The following TENM2 variants were observed in gnomAD, a reference collection of about 807,000 sequenced individuals.
TENM2 encodes teneurin transmembrane protein 2.
A neutral mutation model predicts 245.2 loss-of-function variants in TENM2; 52 were observed. The observed-to-expected ratio is 0.21, with a 90% CI of 0.17 to 0.27. The LOEUF (loss-of-function observed/expected upper bound fraction) is 0.27, where lower values mean the gene tolerates loss of function less well. Among genes scored for constraint, TENM2 ranks in the 10% least tolerant of loss-of-function variants. TENM2 has a pLI of 1.00. For missense variants in TENM2, 3,046 were observed against 3,666.8 expected, an observed-to-expected ratio of 0.83 and a Z score of 4.37; for synonymous variants, 1,363 against 1,438.9, an observed-to-expected ratio of 0.95 and a Z score of 1.19.
chr5:167,363,556 C>A (rs1010690015), intron 1 of TENM2, among the ~76,000 whole-genome samples: 2 of 151,214 alleles, frequency 1.3e-5, no homozygotes, highest in African/African-American at 4.9e-5. Flanking sequence ...ACGGTGAAAC[C>A]CTGTCTCTAC....
At chr5:167,890,596 C>A (rs571060285) in intron 3 of TENM2, among the ~76,000 whole-genome samples, 1 of 152,256 alleles carries the variant, frequency 6.6e-6, no homozygotes, top group East Asian at 1.9e-4. Context: ...TCTATCCTTC[C>A]TGAAATAATA....
intron 2 of TENM2, among the ~76,000 whole-genome samples, chr5:167,720,719 G>T (rs1024565667): frequency 1.7e-4 from 26 of 152,146 alleles, no homozygotes; most frequent in African/African-American, 5.8e-4. Context: ...ATATATACTC[G>T]TGGTTGAATG....
At chr5:167,592,510 G>T (rs1172955197) in intron 2 of TENM2, among the ~76,000 whole-genome samples, 1 of 152,122 alleles carries the variant, frequency 6.6e-6, no homozygotes, top group African/African-American at 2.4e-5. Context: ...TGTCCCTTCA[G>T]CATATTTAAA....
At chr5:167,227,671 C>A in the TENM2 span, among the ~76,000 whole-genome samples, 1 of 152,108 alleles carries the variant, frequency 6.6e-6, no homozygotes, top group Admixed American at 6.5e-5. Context: ...AGGCTTTTCT[C>A]TTACTGTTTT....
chr5:167,574,042 A>AG (rs1399538630), intron 2 of TENM2: 1 of 152,166 alleles, frequency 6.6e-6, no homozygotes, highest in East Asian at 1.9e-4. Flanking sequence ...CGCCGATCGG[A>AG]GGGTTTGACC....
At chr5:167,384,732 T>G (rs1240224977) in intron 2 of TENM2, among the ~76,000 whole-genome samples, 1 of 151,958 alleles carries the variant, frequency 6.6e-6, no homozygotes, top group Non-Finnish European at 1.5e-5. Context: ...ACACACACGT[T>G]TGGATGGAAA....
intron 1 of TENM2, among the ~76,000 whole-genome samples, chr5:167,366,014 T>C (rs1186497927): frequency 6.6e-6 from 1 of 151,906 alleles, no homozygotes; most frequent in Non-Finnish European, 1.5e-5. Context: ...AAAGAAATAA[T>C]TTGTATACAT....
chr5:167,425,101 G>T (rs1182085873), intron 2 of TENM2, among the ~76,000 whole-genome samples: 1 of 152,148 alleles, frequency 6.6e-6, no homozygotes, highest in African/African-American at 2.4e-5. Flanking sequence ...TACCTGCTTT[G>T]CAGTTTGAAA....
At chr5:167,896,477 A>G (rs114148586) in intron 3 of TENM2, among the ~76,000 whole-genome samples, 2,985 of 152,324 alleles carry the variant, frequency 0.02, 99 homozygotes, top group African/African-American at 0.067. Context: ...TGTGGCTTCC[A>G]ACCATTCTTC....
chr5:167,335,468 G>A (rs947363300), intron 1 of TENM2, among the ~76,000 whole-genome samples: 66 of 152,196 alleles, frequency 4.3e-4, no homozygotes, highest in African/African-American at 1.6e-3. Flanking sequence ...ATGGCTTCGT[G>A]GCTTTTTAGG....
intron 3 of TENM2, among the ~76,000 whole-genome samples, chr5:167,932,082 G>T (rs1583408485): frequency 1.3e-5 from 2 of 152,226 alleles, no homozygotes; most frequent in African/African-American, 4.8e-5. Context: ...GTGAACAGTT[G>T]TAAGTCGGGA....
At chr5:167,491,026 A>G (rs1768398634) in intron 2 of TENM2, among the ~76,000 whole-genome samples, 2 of 152,194 alleles carry the variant, frequency 1.3e-5, no homozygotes, top group Non-Finnish European at 2.9e-5. Flanking sequence ...TCTAGGAATC[A>G]ATCACAGTGA....
intron 2 of TENM2, among the ~76,000 whole-genome samples, chr5:167,494,609 T>C (rs2127547457): frequency 6.6e-6 from 1 of 152,160 alleles, no homozygotes; most frequent in East Asian, 1.9e-4. Context: ...GAGTTACATA[T>C]ACAATCAAGT....
At chr5:167,238,337 G>A in the TENM2 span, among the ~76,000 whole-genome samples, 2 of 152,096 alleles carry the variant, frequency 1.3e-5, no homozygotes, top group Non-Finnish European at 2.9e-5. Flanking sequence ...ATAGATCTCA[G>A]GTCTTATGAA....
intron 2 of TENM2, among the ~76,000 whole-genome samples, chr5:167,839,854 T>G (rs1004174966): frequency 6.6e-6 from 1 of 152,224 alleles, no homozygotes; most frequent in African/African-American, 2.4e-5. Context: ...TTTTGCTTTT[T>G]TTGTACAGGC....
intron 2 of TENM2, among the ~76,000 whole-genome samples, chr5:167,698,592 A>G (rs1171511453): frequency 2.0e-5 from 3 of 149,456 alleles, no homozygotes; most frequent in Admixed American, 2.0e-4. Context: ...TTTCCCTTCC[A>G]TTGCTTGAAA....
intron 2 of TENM2, among the ~76,000 whole-genome samples, chr5:167,698,680 T>TTTTTG (rs1554102347): frequency 2.3e-5 from 2 of 88,542 alleles, no homozygotes; most frequent in Non-Finnish European, 3.9e-5. Flanking sequence ...TTGTTTTTTG[T>TTTTTG]TTTTTTTTTT....
intron 2 of TENM2, among the ~76,000 whole-genome samples, chr5:167,589,880 ATATT>A (rs1463507109): frequency 2.0e-5 from 3 of 151,454 alleles, no homozygotes; most frequent in Non-Finnish European, 3.0e-5. Context: ...CTATAATAAT[ATATT>A]TATTTAAAAG....
At chr5:167,570,844 G>C (rs1200875911) in intron 2 of TENM2, among the ~76,000 whole-genome samples, 1 of 152,218 alleles carries the variant, frequency 6.6e-6, no homozygotes, top group Admixed American at 6.5e-5. Context: ...TTGAATGATT[G>C]TGGTGGGGGA....
Sources: gnomAD v4.1 joint callset for allele counts (sites outside exome capture counted in the v4.1 genomes callset) on GRCh38, gnomAD v4.1.1 for gene constraint, MANE v1.5 for transcripts, NCBI Gene and HGNC (gene_info 2026-07-23, HGNC 2026-07-21) for gene names.